NEK11: variants seen among roughly 807,000 people sequenced by gnomAD.
NEK11 encodes the protein NIMA related kinase 11, also known as serine/threonine-protein kinase Nek11.
In NEK11, 72 loss-of-function variants were observed where a neutral mutation model predicts 80.7. The observed-to-expected ratio is 0.89, with a 90% CI of 0.74 to 1.08. NEK11 has a LOEUF of 1.08. NEK11 is among the 50% of genes least tolerant of loss of function. The pLI is 0.00. For synonymous variants in NEK11, 251 were observed against 260.7 expected, an observed-to-expected ratio of 0.96 and a Z score of 0.36; for missense variants, 764 against 763.6, an observed-to-expected ratio of 1.00 and a Z score of -0.01.
At chr3:131,166,712 TG>T (rs1323574280) in intron 12 of NEK11, among the ~76,000 whole-genome samples, 2 of 152,162 alleles carry the variant, frequency 1.3e-5, no homozygotes, top group African/African-American at 4.8e-5. Flanking sequence ...AATTGGGAGA[TG>T]GGTTCTTTCC....
At chr3:131,125,423 A>G (rs1172985886) in intron 5 of NEK11, among the ~76,000 whole-genome samples, 1 of 152,174 alleles carries the variant, frequency 6.6e-6, no homozygotes, top group Non-Finnish European at 1.5e-5. Flanking sequence ...AGTAATATTA[A>G]TTTGGTGGGC....
At chr3:131,346,004 G>GAAGGAAACAA (rs1259062433) in intron 17 of NEK11, among the ~76,000 whole-genome samples, 5 of 151,974 alleles carry the variant, frequency 3.3e-5, no homozygotes, top group African/African-American at 1.2e-4. Flanking sequence ...CAGAGATAGA[G>GAAGGAAACAA]AATGAAACAA....
In NEK11 at chr3:131,350,201, G is replaced by A. The variant is rs1340361124; in HGVS notation, c.*425G>A. On this transcript the variant is annotated 3_prime_UTR_variant, in exon 18 of 18. Coordinates refer to ENST00000383366, the MANE Select transcript of NEK11 (RefSeq NM_024800.5). ...TGCCAGTGAAGGTCACTGGACTCTA[G>A]CCTACAACATGCTGAGCTACAGCCC... 1.2e-5 allele frequency: 2 copies of A among 165,964 alleles called. No homozygotes were observed. The highest frequency in any genetic ancestry group is 1.3e-5 in the Non-Finnish European group (1 of 76,248). 10.3% of individuals were successfully genotyped at this position (165,964 alleles called of 1,614,324 possible).
At chr3:131,196,436 A>T (rs989551667) in intron 14 of NEK11, among the ~76,000 whole-genome samples, 1 of 152,224 alleles carries the variant, frequency 6.6e-6, no homozygotes, top group Non-Finnish European at 1.5e-5. Context: ...ATAACTTCAT[A>T]TTCTTGGAGT....
intron 3 of NEK11, among the ~76,000 whole-genome samples, chr3:131,057,858 A>G (rs2069912659): frequency 6.6e-6 from 1 of 152,170 alleles, no homozygotes; most frequent in African/African-American, 2.4e-5. Flanking sequence ...CTCTGATGGC[A>G]GTTTCTTTTG....
At chr3:131,315,934 A>C (rs928722608) in intron 17 of NEK11, among the ~76,000 whole-genome samples, 5 of 151,958 alleles carry the variant, frequency 3.3e-5, no homozygotes, top group Non-Finnish European at 7.4e-5. Flanking sequence ...TATTTACCAC[A>C]TTTTCTTTAT....
chr3:131,348,849 G>C (rs77289574), intron 17 of NEK11, among the ~76,000 whole-genome samples: 1 of 151,838 alleles, frequency 6.6e-6, no homozygotes, highest in Non-Finnish European at 1.5e-5. Context: ...TGCCTCCTTC[G>C]TACAGCTGTT....
Position 131,331,636 on chromosome 3 carries a change from G to GTT in NEK11, c.1719-17920_1719-17919insTT, listed in dbSNP as rs543773840. On this transcript the variant is annotated intron_variant, in intron 17 of 17. Coordinates refer to ENST00000383366, the MANE Select transcript of NEK11 (RefSeq NM_024800.5). ...GGACAGTGGGTGCAGCGCACCGTGC[G>GTT]TGAGCCGAAGCAGGGCGAGCAAGGC... Among the ~76,000 whole-genome samples, 8 of 152,340 alleles carry GTT rather than the reference G, an allele frequency of 5.3e-5. 1 individual carries two copies. In the South Asian group the frequency reaches 1.2e-3, roughly 24 times the overall value.
chr3:131,309,645 A>G (rs887736045), intron 17 of NEK11, among the ~76,000 whole-genome samples: 2 of 152,018 alleles, frequency 1.3e-5, no homozygotes, highest in African/African-American at 4.8e-5. Context: ...CCGAAGTGGA[A>G]GAATGGATGT....
At chr3:131,205,021 A>G (rs1031206912) in intron 14 of NEK11, among the ~76,000 whole-genome samples, 1 of 152,122 alleles carries the variant, frequency 6.6e-6, no homozygotes, top group African/African-American at 2.4e-5. Flanking sequence ...AAGATGATAT[A>G]TAAAAGGCCC....
rs150666220 is a variant in NEK11 at position 131,054,748 on chromosome 3, C to A, written c.170+24870C>A. Among the ~76,000 whole-genome samples the A allele has an allele frequency of 9.5e-3, 1,259 of 132,680 alleles. 14 individuals carry two copies. Among genetic ancestry groups the A allele is most frequent in the East Asian group, 0.062 (279 of 4,488 alleles). The allele number at this position is 132,680 out of a possible 152,430, so 87.0% of individuals were successfully genotyped here. On this transcript the variant is annotated intron_variant, in intron 3 of 17. Transcript: ENST00000383366. Reference sequence around the variant, plus strand: ...CTCCAGCCTGGGTGACAGCCTGCCTCTAAATAAATAAATAAATAAATAAAT... The same window carrying A: ...CTCCAGCCTGGGTGACAGCCTGCCTATAAATAAATAAATAAATAAATAAAT...
At chr3:131,281,020 C>T (rs780143184) in intron 17 of NEK11, among the ~76,000 whole-genome samples, 2 of 152,334 alleles carry the variant, frequency 1.3e-5, no homozygotes, top group African/African-American at 4.8e-5. Flanking sequence ...CTCATCCTCT[C>T]GTGTCCTTCC....
chr3:131,242,801 T>C (rs1561160221), intron 15 of NEK11, among the ~76,000 whole-genome samples: 1 of 152,294 alleles, frequency 6.6e-6, no homozygotes, highest in East Asian at 1.9e-4. Context: ...CTGTTTTGGA[T>C]TATTTCAAGC....
Position 131,168,917 on chromosome 3 carries a change from A to T in NEK11, c.1264A>T (p.Arg422Trp), listed in dbSNP as rs549006970. The T allele has an allele frequency of 6.2e-7, 1 of 1,613,844 alleles. No individual in the cohort carries two copies. The highest frequency in any genetic ancestry group is 2.2e-5 in the East Asian group (1 of 44,848). ...SCSPQDEDEE[R>W]WQGREEESDE... ...TTCACCCCAGGACGAGGATGAAGAG[A>T]GGTGGCAAGGCAGGGAAGAGGCAAG... Residue 422 changes from arginine (R) to tryptophan (W), a missense_variant, in exon 13 of 18, where the codon AGG becomes TGG. By Grantham distance (101) the Arg-to-Trp change is moderately radical. Transcript: ENST00000383366.
intron 14 of NEK11, among the ~76,000 whole-genome samples, chr3:131,200,447 C>A (rs1198217943): frequency 2.6e-5 from 4 of 152,164 alleles, no homozygotes; most frequent in Non-Finnish European, 5.9e-5. Flanking sequence ...AATAAAGATG[C>A]ATACCCTATG....
intron 14 of NEK11, among the ~76,000 whole-genome samples, chr3:131,180,487 A>G (rs1050139215): frequency 1.3e-5 from 2 of 152,218 alleles, no homozygotes; most frequent in African/African-American, 2.4e-5. Context: ...TTCATATTCT[A>G]TCATAAAACT....
chr3:131,076,249 G>T (rs1206519420), intron 3 of NEK11, among the ~76,000 whole-genome samples: 1 of 152,214 alleles, frequency 6.6e-6, no homozygotes, highest in African/African-American at 2.4e-5. Context: ...CTACAATAAT[G>T]TCTCATGAAA....
chr3:131,155,734 A>G (rs1294280002), intron 10 of NEK11, among the ~76,000 whole-genome samples: 1 of 152,196 alleles, frequency 6.6e-6, no homozygotes, highest in Non-Finnish European at 1.5e-5. Context: ...AGTCATGCAC[A>G]ACTATGGTAT....
rs1332338552 is a variant in NEK11 at position 131,297,951 on chromosome 3, T to C, written c.1718+24377T>C. 2.6e-5 allele frequency among the ~76,000 whole-genome samples: 4 copies of C among 152,054 alleles called. No individual in the cohort carries two copies. The East Asian group carries it at 5.8e-4, about 22-fold the overall frequency. ...TTCCCCATTGCTTGTTTTTCTCGGG[T>C]TTGTCAAAGATCAGATAGTTGTAGA... On this transcript the variant is annotated intron_variant, in intron 17 of 17. Transcript: ENST00000383366.
Sources: gnomAD v4.1 joint callset for allele counts (sites outside exome capture counted in the v4.1 genomes callset) on GRCh38, gnomAD v4.1.1 for gene constraint, MANE v1.5 for transcripts, NCBI Gene and HGNC (gene_info 2026-07-23, HGNC 2026-07-21) for gene names.